PTAR1: variants seen among roughly 807,000 people sequenced by gnomAD.
PTAR1 encodes the protein protein prenyltransferase alpha subunit repeat containing 1.
PTAR1 carries 17 observed loss-of-function variants against 45.5 expected under a neutral mutation model. The ratio of observed to expected loss-of-function variants is 0.37; its 90% CI spans 0.26 to 0.56. The LOEUF (loss-of-function observed/expected upper bound fraction) is 0.56, where lower values mean the gene tolerates loss of function less well. Among genes scored for constraint, PTAR1 ranks in the 20% least tolerant of loss-of-function variants. PTAR1 has a pLI of 0.77. For missense variants in PTAR1, 391 were observed against 476.3 expected (o/e 0.82, Z 1.67); for synonymous variants, 169 against 171.3 (o/e 0.99, Z 0.11).
rs1825399977 is a variant in PTAR1, at chr9:69,728,812, T to G, written c.642+3327A>C. Among the ~76,000 whole-genome samples the G allele has an allele frequency of 2.0e-5, 3 of 152,200 alleles. No individual in the cohort carries two copies. The South Asian group carries it at 6.2e-4, about 31-fold the overall frequency. On this transcript the variant is annotated intron_variant, in intron 5 of 7. Coordinates refer to ENST00000340434, the MANE Select transcript of PTAR1 (RefSeq NM_001099666.2). ...ATAAAATAGAAAATTAGTGTCATAA[T>G]TCCACCCTATACTACTTTTAATCAA...
chr9:69,759,753 G>A (rs999092674), intron 1 of PTAR1, 100 bp downstream of exon 1: 5 of 1,209,068 alleles, frequency 4.1e-6, no homozygotes, highest in Non-Finnish European at 5.6e-6. Context: ...TCGTGGGCCA[G>A]GACCCGCTGT....
intron 6 of PTAR1, among the ~76,000 whole-genome samples, chr9:69,719,088 C>T (rs1019630704): frequency 6.6e-6 from 1 of 152,070 alleles, no homozygotes; most frequent in Non-Finnish European, 1.5e-5. Context: ...ACAAGTGATT[C>T]AGAAATAAGG....
chr9:69,740,165 A>T (rs1320552807), intron 3 of PTAR1, among the ~76,000 whole-genome samples: 1 of 152,174 alleles, frequency 6.6e-6, no homozygotes, highest in Non-Finnish European at 1.5e-5. Context: ...TAGGATATAC[A>T]ATGAATAACA....
intron 2 of PTAR1, among the ~76,000 whole-genome samples, chr9:69,748,196 G>C (rs1055461491): frequency 1.2e-4 from 19 of 152,084 alleles, no homozygotes; most frequent in Non-Finnish European, 2.9e-5. Flanking sequence ...CTCAGATATA[G>C]ACTAAGTGGG....
chr9:69,734,410 G>C (rs1280101038), intron 3 of PTAR1, among the ~76,000 whole-genome samples, 156 bp from the exon 4 acceptor site: 1 of 151,922 alleles, frequency 6.6e-6, no homozygotes, highest in Non-Finnish European at 1.5e-5. Context: ...GCCACTCTGG[G>C]ATATAAAACA....
At chr9:69,738,725 A>C (rs994323520) in intron 3 of PTAR1, among the ~76,000 whole-genome samples, 1 of 152,130 alleles carries the variant, frequency 6.6e-6, no homozygotes, top group Non-Finnish European at 1.5e-5. Flanking sequence ...TAACATCATT[A>C]AAGAATGGTA....
chr9:69,721,764 G>C (rs563994390), intron 6 of PTAR1, among the ~76,000 whole-genome samples: 1 of 152,326 alleles, frequency 6.6e-6, no homozygotes, highest in South Asian at 2.1e-4. Flanking sequence ...TGAAGGGTCG[G>C]ATGATCGTTA....
chr9:69,723,394 TTCTAGAAGA>T lies in PTAR1; in HGVS notation c.870_878del (p.His290_Glu293delinsGln). The T allele has an allele frequency of 6.2e-7, 1 of 1,613,888 alleles. No homozygotes were observed. Among genetic ancestry groups the T allele is most frequent in the Non-Finnish European group, 8.5e-7 (1 of 1,179,788 alleles). ...GATCAGTGCTGAATTCAACTTCTTC[TTCTAGAAGA>T]TGGGGAAGATTAATCCTTGGTTCTT... On this transcript the variant is annotated inframe_deletion, in exon 6 of 8. Coordinates refer to ENST00000340434, the MANE Select transcript of PTAR1 (RefSeq NM_001099666.2).
At chr9:69,756,158 G>A (rs952804148) in intron 1 of PTAR1, among the ~76,000 whole-genome samples, 3 of 152,150 alleles carry the variant, frequency 2.0e-5, no homozygotes, top group Admixed American at 6.5e-5. Flanking sequence ...CCTTGCAGAC[G>A]ATCTAAAATT....
chr9:69,732,058 A>C, intron 5 of PTAR1, 81 bp downstream of exon 5: 1 of 993,280 alleles, frequency 1.0e-6, no homozygotes, highest in Non-Finnish European at 1.5e-6. Context: ...TACTCCTTCA[A>C]AGCTCTTCTG....
chr9:69,728,512 G>A (rs954710882), intron 5 of PTAR1, among the ~76,000 whole-genome samples: 19 of 152,090 alleles, frequency 1.2e-4, no homozygotes, highest in African/African-American at 4.3e-4. Flanking sequence ...GTTATTGTCC[G>A]TATTTTGGTG....
rs1824659151 is a variant in PTAR1, at chr9:69,714,669, CTTAT to C, written c.*3669_*3672del. On this transcript the variant is annotated 3_prime_UTR_variant, in exon 8 of 8. Coordinates refer to ENST00000340434, the MANE Select transcript of PTAR1 (RefSeq NM_001099666.2). ...TTCCGTATCTTGTATCACATAAGCC[CTTAT>C]TTAAAAATTTAAGTACTTTTAGAGA... 1.3e-5 allele frequency: 2 copies of C among 152,008 alleles called. No homozygotes were observed. The highest frequency in any genetic ancestry group is 4.1e-4 in the South Asian group (2 of 4,828). The allele number at this position is 152,008 out of a possible 1,614,324, so 9.4% of individuals were successfully genotyped here.
In PTAR1 at chr9:69,713,455, T is replaced by C. The variant is rs1824602236; in HGVS notation, c.*4887A>G. 6.6e-6 allele frequency: 1 copy of C among 152,158 alleles called. No homozygotes were observed. Among genetic ancestry groups the C allele is most frequent in the Non-Finnish European group, 1.5e-5 (1 of 68,008 alleles). The allele number at this position is 152,158 out of a possible 1,614,324, so 9.4% of individuals were successfully genotyped here. On this transcript the variant is annotated 3_prime_UTR_variant, in exon 8 of 8. Transcript: ENST00000340434. Reference sequence around the variant, plus strand: ...TTGCTATCTTGAAATATGGAATTCCTATCCCTCCCTTCTCCATATACAAAC... The same window carrying C: ...TTGCTATCTTGAAATATGGAATTCCCATCCCTCCCTTCTCCATATACAAAC...
rs566199582 is a variant in PTAR1 at position 69,711,534 on chromosome 9, C to G, written c.*6808G>C. 6.6e-6 allele frequency: 1 copy of G among 152,072 alleles called. No individual in the cohort carries two copies. Among genetic ancestry groups the G allele is most frequent in the Non-Finnish European group, 1.5e-5 (1 of 68,012 alleles). The allele number at this position is 152,072 out of a possible 1,614,324, so 9.4% of individuals were successfully genotyped here. A position where few individuals can be genotyped will look rare whatever the true frequency, so the allele number is the denominator to read the frequency against. On this transcript the variant is annotated 3_prime_UTR_variant, in exon 8 of 8. Coordinates refer to ENST00000340434, the MANE Select transcript of PTAR1 (RefSeq NM_001099666.2). ...ATTGTAACTTCACATTTTACCATTA[C>G]CACTCTTAAGACGCTAGAAACAAGT...
intron 2 of PTAR1, among the ~76,000 whole-genome samples, chr9:69,744,730 T>C (rs185012656): frequency 6.6e-6 from 1 of 152,328 alleles, no homozygotes; most frequent in Admixed American, 6.5e-5. Flanking sequence ...TACATAAATA[T>C]TGTCCTCTTA....
chr9:69,759,247 C>T (rs898145254), intron 1 of PTAR1, among the ~76,000 whole-genome samples: 1 of 152,174 alleles, frequency 6.6e-6, no homozygotes, highest in Non-Finnish European at 1.5e-5. Flanking sequence ...TTTGCTTTAT[C>T]CCAGACTCCA....
intron 1 of PTAR1, 92 bp from the exon 2 acceptor site, chr9:69,751,042 T>A (rs957501855): frequency 1.5e-5 from 13 of 856,234 alleles, no homozygotes; most frequent in Admixed American, 8.8e-5. Flanking sequence ...AAACCCCACA[T>A]ATTTCCCCCT....
chr9:69,718,606 G>C (rs533274686), intron 7 of PTAR1, 38 bp from the exon 8 acceptor site: 11 of 1,613,256 alleles, frequency 6.8e-6, no homozygotes, highest in Non-Finnish European at 7.6e-6. Context: ...TCCCCCCAGG[G>C]CTGTCTGCAG....
At chr9:69,750,660 G>A (rs1222688937) in intron 2 of PTAR1, 121 bp downstream of exon 2, 2 of 713,682 alleles carry the variant, frequency 2.8e-6, no homozygotes, top group Non-Finnish European at 4.4e-6. Context: ...CACCCACCGA[G>A]ACAGTGAACA....
Sources: gnomAD v4.1 joint callset for allele counts (sites outside exome capture counted in the v4.1 genomes callset) on GRCh38, gnomAD v4.1.1 for gene constraint, MANE v1.5 for transcripts, NCBI Gene and HGNC (gene_info 2026-07-23, HGNC 2026-07-21) for gene names.